MSI2: variants seen among roughly 807,000 people sequenced by gnomAD.
MSI2 encodes musashi RNA binding protein 2.
In MSI2, 17 loss-of-function variants were observed where a neutral mutation model predicts 45.6. The ratio of observed to expected loss-of-function variants is 0.37; its 90% CI spans 0.26 to 0.56. The LOEUF (loss-of-function observed/expected upper bound fraction) is 0.56, where lower values mean the gene tolerates loss of function less well. MSI2 is among the 20% of genes least tolerant of loss of function. MSI2 has a pLI of 0.77. For synonymous variants in MSI2, 156 were observed against 158.2 expected (o/e 0.99, Z 0.11); for missense variants, 293 against 444.2 (o/e 0.66, Z 3.06).
chr17:57,328,206 TCATC>T (rs749196401), intron 5 of MSI2, among the ~76,000 whole-genome samples: 4 of 152,110 alleles, frequency 2.6e-5, no homozygotes, highest in Non-Finnish European at 4.4e-5. Context: ...GTCCTTCTGT[TCATC>T]CATCCATCCA....
intron 6 of MSI2, among the ~76,000 whole-genome samples, chr17:57,460,957 C>A (rs1312605222): frequency 6.6e-6 from 1 of 152,168 alleles, no homozygotes; most frequent in Non-Finnish European, 1.5e-5. Context: ...TCACCATGCT[C>A]AATGCTCAGA....
chr17:57,314,654 C>T (rs1270148331), intron 5 of MSI2, among the ~76,000 whole-genome samples: 2 of 150,028 alleles, frequency 1.3e-5, no homozygotes, highest in African/African-American at 2.5e-5. Context: ...TCACTGCAAC[C>T]TCCCACTCCC....
intron 10 of MSI2, chr17:57,629,285 C>G (rs146460707): frequency 6.6e-6 from 1 of 152,042 alleles, no homozygotes; most frequent in Non-Finnish European, 1.5e-5. Flanking sequence ...AAAAATGAGC[C>G]GGGCGTGGTG....
At chr17:57,694,735 G>A in the MSI2 span, among the ~76,000 whole-genome samples, 1 of 152,230 alleles carries the variant, frequency 6.6e-6, no homozygotes, top group East Asian at 1.9e-4. Context: ...ACACAACATG[G>A]CCTTAGAATC....
At chr17:57,256,977 C>G in intron 1 of MSI2, 121 bp from the exon 2 acceptor site, 1 of 1,545,624 alleles carries the variant, frequency 6.5e-7, no homozygotes, top group South Asian at 1.2e-5. Flanking sequence ...TTCTCCCCCA[C>G]CCCACCTCCC....
chr17:57,542,801 C>A (rs2087079171), intron 7 of MSI2, among the ~76,000 whole-genome samples: 1 of 152,162 alleles, frequency 6.6e-6, no homozygotes, highest in African/African-American at 2.4e-5. Context: ...TGCTGTTAAG[C>A]CCTGGGAGGT....
intron 5 of MSI2, among the ~76,000 whole-genome samples, chr17:57,297,996 C>G (rs2143517862): frequency 6.6e-6 from 1 of 152,154 alleles, no homozygotes; most frequent in East Asian, 1.9e-4. Context: ...CAAAATCATG[C>G]ATGAGGGTTG....
chr17:57,374,807 A>G (rs752842455), intron 5 of MSI2, among the ~76,000 whole-genome samples: 5 of 152,188 alleles, frequency 3.3e-5, no homozygotes, highest in Non-Finnish European at 4.4e-5. Flanking sequence ...ATAAATGCTT[A>G]TCTTTGATCT....
intron 6 of MSI2, among the ~76,000 whole-genome samples, chr17:57,456,737 G>T (rs2085123179): frequency 6.6e-6 from 1 of 152,144 alleles, no homozygotes; most frequent in South Asian, 2.1e-4. Context: ...GCTGCCTTTG[G>T]GTCCGTAAAT....
intron 9 of MSI2, among the ~76,000 whole-genome samples, chr17:57,624,854 A>C (rs924128762): frequency 1.3e-5 from 2 of 152,194 alleles, no homozygotes; most frequent in African/African-American, 4.8e-5. Flanking sequence ...CTCCAAGAGA[A>C]AAAGGAAGAC....
At chr17:57,584,421 G>T (rs533966088) in intron 7 of MSI2, among the ~76,000 whole-genome samples, 1 of 152,326 alleles carries the variant, frequency 6.6e-6, no homozygotes, top group East Asian at 1.9e-4. Context: ...ACTCCAGGCA[G>T]GTTTGCTGGC....
At chr17:57,345,191 G>A (rs1045404337) in intron 5 of MSI2, among the ~76,000 whole-genome samples, 2 of 152,168 alleles carry the variant, frequency 1.3e-5, no homozygotes, top group African/African-American at 4.8e-5. Context: ...TCAGTCATTT[G>A]GATTACCTCT....
At chr17:57,332,509 A>C (rs1914355447) in intron 5 of MSI2, among the ~76,000 whole-genome samples, 1 of 152,190 alleles carries the variant, frequency 6.6e-6, no homozygotes, top group Non-Finnish European at 1.5e-5. Flanking sequence ...TTCCATGGAC[A>C]TGATTTTCTG....
intron 10 of MSI2, chr17:57,631,912 G>C: frequency 6.4e-7 from 1 of 1,572,124 alleles, no homozygotes; most frequent in Non-Finnish European, 8.6e-7. Context: ...GGCTGCCCCC[G>C]CTCCAGTCAA....
chr17:57,348,926 G>A (rs1329506240), intron 5 of MSI2, among the ~76,000 whole-genome samples: 7 of 152,080 alleles, frequency 4.6e-5, no homozygotes, highest in East Asian at 3.8e-4. Flanking sequence ...ATTTACACTC[G>A]TGCCTGTTAA....
In MSI2 at chr17:57,627,368, A is replaced by G; in HGVS notation, c.727+65A>G. The G allele has an allele frequency of 7.3e-7, 1 of 1,373,814 alleles. No homozygotes were observed. Among genetic ancestry groups the G allele is most frequent in the Admixed American group, 1.7e-5 (1 of 59,682 alleles). 85.1% of individuals were successfully genotyped at this position (1,373,814 alleles called of 1,614,324 possible). On this transcript the variant is annotated intron_variant, in intron 10 of 13. Coordinates refer to ENST00000284073, the MANE Select transcript of MSI2 (RefSeq NM_138962.4). The surrounding 1 kb of genome is among the most constrained non-coding windows in gnomAD (Gnocchi z 4.6). ...GGTGGGCTGCATTTGCGGGGAGGTG[A>G]GAGGACCCCTAAAGAGAATGCATTT...
chr17:57,360,970 A>G (rs1010859633), intron 5 of MSI2, among the ~76,000 whole-genome samples: 1 of 152,188 alleles, frequency 6.6e-6, no homozygotes, highest in Non-Finnish European at 1.5e-5. Context: ...TGTCCATAAA[A>G]TTTGCTATGG....
At chr17:57,346,355 G>C (rs1037264789) in intron 5 of MSI2, among the ~76,000 whole-genome samples, 1 of 146,846 alleles carries the variant, frequency 6.8e-6, no homozygotes, top group East Asian at 2.1e-4. Context: ...TTTTGGGGGG[G>C]GGGGTCTGAT....
chr17:57,610,155 T>G (rs950703818), intron 8 of MSI2, among the ~76,000 whole-genome samples: 1 of 151,770 alleles, frequency 6.6e-6, no homozygotes, highest in African/African-American at 2.4e-5. Context: ...TACTCTCAAA[T>G]GGAAAAAAAA....
Sources: allele counts gnomAD v4.1 joint callset (sites outside exome capture counted in the v4.1 genomes callset), GRCh38; gene constraint gnomAD v4.1.1; non-coding constraint Gnocchi (gnomAD v3.1); transcripts MANE v1.5; gene names NCBI Gene and HGNC (gene_info 2026-07-23, HGNC 2026-07-21).